OXCT1: variants seen among roughly 807,000 people sequenced by gnomAD.
OXCT1 encodes the protein succinyl-CoA:3-ketoacid coenzyme A transferase 1, mitochondrial.
Under a neutral mutation model 69.6 loss-of-function variants are expected in OXCT1, and 27 were observed. The ratio of observed to expected loss-of-function variants is 0.39; its 90% CI spans 0.29 to 0.54. OXCT1 has a LOEUF of 0.54. Ranked by LOEUF, OXCT1 falls within the 20% of genes least tolerant of loss-of-function variation. The pLI is 0.72. For synonymous variants in OXCT1, 202 were observed against 217.8 expected (o/e 0.93, Z 0.64); for missense variants, 437 against 650.2 (o/e 0.67, Z 3.57).
At chr5:41,771,261 A>G (rs1561062907) in intron 13 of OXCT1, among the ~76,000 whole-genome samples, 1 of 152,158 alleles carries the variant, frequency 6.6e-6, no homozygotes, top group South Asian at 2.1e-4. Flanking sequence ...TCCAAGAAAA[A>G]ATTCCAATGC....
chr5:41,818,345 G>T (rs905650640), intron 7 of OXCT1, among the ~76,000 whole-genome samples: 1 of 152,192 alleles, frequency 6.6e-6, no homozygotes, highest in African/African-American at 2.4e-5. Context: ...GTGATCTCAT[G>T]AGAGAATGTG....
At position 41,832,333 on chromosome 5, in the gene OXCT1, CAGAGAGAGAGAG is replaced by C. The variant is rs148562121; in HGVS notation, c.732+8106_732+8117del. On this transcript the variant is annotated intron_variant, in intron 7 of 16. Coordinates refer to ENST00000196371, the MANE Select transcript of OXCT1 (RefSeq NM_000436.4). ...ACCCCCAGTTCCAGGCGGTTCAGCA[CAGAGAGAGAGAG>C]AGAGAGAGAGAGAGAGAGATTCCAC... Among the ~76,000 whole-genome samples, 6 of 147,126 alleles carry C rather than the reference CAGAGAGAGAGAG, an allele frequency of 4.1e-5. No homozygotes were observed. In the South Asian group the frequency reaches 6.5e-4, roughly 16 times the overall value.
intron 7 of OXCT1, among the ~76,000 whole-genome samples, chr5:41,826,762 A>G (rs951812982): frequency 1.3e-5 from 2 of 151,984 alleles, no homozygotes; most frequent in Non-Finnish European, 2.9e-5. Flanking sequence ...TTGTATAACT[A>G]CCTTTCCGAC....
At chr5:41,860,763 G>A (rs561840240) in intron 3 of OXCT1, among the ~76,000 whole-genome samples, 1 of 152,058 alleles carries the variant, frequency 6.6e-6, no homozygotes, top group South Asian at 2.1e-4. Flanking sequence ...TAAAATGATG[G>A]CTTATTTCTG....
chr5:41,839,616 T>C (rs554755479), intron 7 of OXCT1, among the ~76,000 whole-genome samples: 2 of 152,226 alleles, frequency 1.3e-5, no homozygotes, highest in Non-Finnish European at 2.9e-5. Context: ...AACATTTGAT[T>C]GTTTCAAAAT....
rs1026067635 is a variant in OXCT1 at position 41,767,661 on chromosome 5, T to C, written c.1249-5461A>G. ...ACGTCTCTAATAGTTAATCATCTGATTGAGTAGACACCTTGTGGTGTCTAC... is the reference window on the plus strand; with the variant it reads ...ACGTCTCTAATAGTTAATCATCTGACTGAGTAGACACCTTGTGGTGTCTAC... On this transcript the variant is annotated intron_variant, in intron 13 of 16. Transcript: ENST00000196371. 3.4e-5 allele frequency among the ~76,000 whole-genome samples: 5 copies of C among 146,736 alleles called. No individual in the cohort carries two copies. In the East Asian group the frequency reaches 6.1e-4, roughly 18 times the overall value.
chr5:41,848,612 C>T (rs1472340335), intron 5 of OXCT1, among the ~76,000 whole-genome samples: 2 of 148,888 alleles, frequency 1.3e-5, no homozygotes, highest in Non-Finnish European at 3.0e-5. Context: ...CAGAACAGAG[C>T]CCTCAGAAAT....
At chr5:41,849,872 G>A (rs1349154977) in intron 5 of OXCT1, among the ~76,000 whole-genome samples, 158 bp downstream of exon 5, 2 of 152,136 alleles carry the variant, frequency 1.3e-5, no homozygotes, top group African/African-American at 4.8e-5. Context: ...AATGCTAGTG[G>A]ATGCCCAGAT....
chr5:41,826,307 A>C (rs917577165), intron 7 of OXCT1, among the ~76,000 whole-genome samples: 1 of 152,174 alleles, frequency 6.6e-6, no homozygotes, highest in African/African-American at 2.4e-5. Context: ...TTATTTTCTC[A>C]GATAAAGAAC....
intron 7 of OXCT1, among the ~76,000 whole-genome samples, chr5:41,828,295 T>C (rs983960340): frequency 3.2e-4 from 48 of 151,910 alleles, no homozygotes; most frequent in African/African-American, 1.1e-3. Flanking sequence ...TTTGCATTTT[T>C]AGTAGAGATG....
intron 7 of OXCT1, among the ~76,000 whole-genome samples, chr5:41,834,264 C>A (rs1347580579): frequency 6.6e-6 from 1 of 151,570 alleles, no homozygotes; most frequent in Non-Finnish European, 1.5e-5. Flanking sequence ...CACAAAACAA[C>A]CAGAAAACAA....
At chr5:41,865,929 GTTTTAA>G (rs921130425) in intron 1 of OXCT1, among the ~76,000 whole-genome samples, 18 of 150,694 alleles carry the variant, frequency 1.2e-4, no homozygotes, top group African/African-American at 4.4e-4. Flanking sequence ...TTGGAGTTTA[GTTTTAA>G]TTTTAATTGT....
chr5:41,738,399 T>C (rs1286212684), intron 16 of OXCT1, among the ~76,000 whole-genome samples: 1 of 152,158 alleles, frequency 6.6e-6, no homozygotes, highest in Non-Finnish European at 1.5e-5. Context: ...TCACATGCTG[T>C]TCTTGTGATA....
intron 14 of OXCT1, among the ~76,000 whole-genome samples, chr5:41,761,391 A>G (rs1031953534): frequency 1.3e-5 from 2 of 152,064 alleles, no homozygotes; most frequent in Non-Finnish European, 2.9e-5. Flanking sequence ...GGGCCCATAC[A>G]TATACACAGA....
chr5:41,851,454 T>C (rs1313725533), intron 4 of OXCT1, among the ~76,000 whole-genome samples: 1 of 152,178 alleles, frequency 6.6e-6, no homozygotes, highest in Non-Finnish European at 1.5e-5. Context: ...CCTTAAAATA[T>C]GTTTTATATA....
At chr5:41,796,071 T>C (rs974908932) in intron 11 of OXCT1, among the ~76,000 whole-genome samples, 1 of 152,112 alleles carries the variant, frequency 6.6e-6, no homozygotes, top group Non-Finnish European at 1.5e-5. Context: ...GGGAATAACA[T>C]GGTAATACTG....
intron 14 of OXCT1, among the ~76,000 whole-genome samples, chr5:41,757,198 C>G (rs1472125508): frequency 6.6e-6 from 1 of 152,080 alleles, no homozygotes; most frequent in African/African-American, 2.4e-5. Context: ...TCCCACTCAA[C>G]CTTTCTCGCT....
rs572849643 is a variant in OXCT1 at position 41,847,898 on chromosome 5, C to T, written c.564+2132G>A. On this transcript the variant is annotated intron_variant, in intron 5 of 16. Coordinates refer to ENST00000196371, the MANE Select transcript of OXCT1 (RefSeq NM_000436.4). ...ACAGGGATGCCCTCTCTCACCACTC[C>T]TATTCAACATAGTGTTGGAAGTTCT... Among the ~76,000 whole-genome samples, 1,439 of 150,540 alleles carry T rather than the reference C, an allele frequency of 9.6e-3. 22 individuals are homozygous for T. The highest frequency in any genetic ancestry group is 0.03 in the African/African-American group (1,220 of 40,898).
intron 15 of OXCT1, among the ~76,000 whole-genome samples, chr5:41,746,837 C>A (rs911724168): frequency 6.6e-6 from 1 of 152,076 alleles, no homozygotes; most frequent in Admixed American, 6.6e-5. Context: ...AAAGGATACA[C>A]AGGTCAACTA....
Sources: allele counts gnomAD v4.1 joint callset (sites outside exome capture counted in the v4.1 genomes callset), GRCh38; gene constraint gnomAD v4.1.1; transcripts MANE v1.5; gene names NCBI Gene and HGNC (gene_info 2026-07-23, HGNC 2026-07-21).